The following KCNQ5 variants were observed in gnomAD, a reference collection of about 807,000 sequenced individuals.
KCNQ5 encodes the protein potassium voltage-gated channel subfamily Q member 5.
KCNQ5 carries 30 observed loss-of-function variants against 98.2 expected under a neutral mutation model. The observed-to-expected ratio is 0.31, with a 90% CI of 0.23 to 0.41. The LOEUF is 0.41. KCNQ5 is among the 10% of genes least tolerant of loss of function. The pLI, the probability that KCNQ5 is intolerant of heterozygous loss-of-function variation, is 1.00. For synonymous variants in KCNQ5, 458 were observed against 449.4 expected (o/e 1.02, Z -0.24); for missense variants, 835 against 1,182.5 (o/e 0.71, Z 4.31).
At chr6:72,717,965 G>C (rs900540411) in intron 1 of KCNQ5, among the ~76,000 whole-genome samples, 2 of 152,108 alleles carry the variant, frequency 1.3e-5, no homozygotes, top group African/African-American at 4.8e-5. Context: ...TCCACGGTAT[G>C]ACCTCACACA....
At chr6:73,127,377 T>G (rs1289389099) in intron 9 of KCNQ5, among the ~76,000 whole-genome samples, 1 of 152,086 alleles carries the variant, frequency 6.6e-6, no homozygotes, top group Admixed American at 6.5e-5. Context: ...GAGCCAACAT[T>G]TTCACCTTTT....
At chr6:73,036,230 C>CA (rs1305284743) in intron 2 of KCNQ5, among the ~76,000 whole-genome samples, 5 of 151,412 alleles carry the variant, frequency 3.3e-5, no homozygotes, top group Admixed American at 6.6e-5. Context: ...ACTAAAAATG[C>CA]AAAAAATTAG....
rs1031767968 is a variant in KCNQ5 at position 73,194,929 on chromosome 6, G to A, written c.2314G>A (p.Gly772Ser). The A allele has an allele frequency of 1.4e-5, 22 of 1,614,034 alleles. No homozygotes were observed. Among genetic ancestry groups the A allele is most frequent in the Non-Finnish European group, 1.8e-5 (21 of 1,180,040 alleles). ...AGAAACTCTGCACCCTAACCCTGCA[G>A]GCTTACAGGAAAGCATTTCTGACGT... ...RPETLHPNPA[G>S]LQESISDVTT... is the part of the protein sequence containing the mutation. The change falls in exon 14 of 14, where the codon GGC (glycine) becomes AGC (serine). Residue 772 changes from glycine to serine, a missense_variant. Gly to Ser is a moderately conservative substitution (Grantham distance 56). Coordinates refer to ENST00000370398, the MANE Select transcript of KCNQ5 (RefSeq NM_019842.4).
At chr6:73,115,657 C>G (rs1040656426) in intron 7 of KCNQ5, among the ~76,000 whole-genome samples, 2 of 152,128 alleles carry the variant, frequency 1.3e-5, no homozygotes, top group African/African-American at 2.4e-5. Flanking sequence ...CAACCTAGAA[C>G]TCTATATCCA....
intron 3 of KCNQ5, among the ~76,000 whole-genome samples, chr6:73,056,581 A>G (rs1176715057): frequency 6.6e-6 from 1 of 151,982 alleles, no homozygotes; most frequent in African/African-American, 2.4e-5. Context: ...TGTGTTTTAG[A>G]ATCCCTCCCT....
At chr6:72,717,456 T>C (rs562369902) in intron 1 of KCNQ5, among the ~76,000 whole-genome samples, 25 of 152,344 alleles carry the variant, frequency 1.6e-4, no homozygotes, top group African/African-American at 6.0e-4. Flanking sequence ...TTTTTAAATA[T>C]TTTGAAAAGA....
intron 1 of KCNQ5, among the ~76,000 whole-genome samples, chr6:72,769,357 T>C (rs530967591): frequency 1.3e-5 from 2 of 152,218 alleles, no homozygotes; most frequent in South Asian, 4.1e-4. Context: ...AGTATCAAAA[T>C]AAATCTAAGC....
chr6:72,653,006 A>G (rs547308809), intron 1 of KCNQ5, among the ~76,000 whole-genome samples: 1 of 152,242 alleles, frequency 6.6e-6, no homozygotes, highest in South Asian at 2.1e-4. Context: ...GGTACCATTT[A>G]TTCACAGACA....
chr6:73,017,886 G>C (rs1250200599), intron 2 of KCNQ5, among the ~76,000 whole-genome samples: 1 of 152,056 alleles, frequency 6.6e-6, no homozygotes, highest in Non-Finnish European at 1.5e-5. Context: ...GACCAAAACA[G>C]CTCTCAGGGG....
At chr6:72,944,577 T>C (rs1258846853) in intron 1 of KCNQ5, among the ~76,000 whole-genome samples, 3 of 152,184 alleles carry the variant, frequency 2.0e-5, no homozygotes, top group Non-Finnish European at 2.9e-5. Context: ...TCCTGGGAAA[T>C]AGTGCTATAA....
chr6:72,907,917 G>A (rs1779767395), intron 1 of KCNQ5, among the ~76,000 whole-genome samples: 4 of 151,972 alleles, frequency 2.6e-5, no homozygotes. Context: ...AAACTTAGTG[G>A]TGCCTTTTTC....
At chr6:72,786,983 C>T (rs1022141152) in intron 1 of KCNQ5, among the ~76,000 whole-genome samples, 27 of 127,658 alleles carry the variant, frequency 2.1e-4, no homozygotes, top group Non-Finnish European at 3.1e-4. Context: ...CCAGCCTGGG[C>T]GACACAGCAA....
intron 1 of KCNQ5, among the ~76,000 whole-genome samples, chr6:72,811,493 T>C (rs1275332984): frequency 6.6e-6 from 1 of 152,214 alleles, no homozygotes; most frequent in Non-Finnish European, 1.5e-5. Flanking sequence ...ATAAATGATA[T>C]ACGCAAGCAT....
chr6:72,905,410 T>C (rs1779660759), intron 1 of KCNQ5, among the ~76,000 whole-genome samples: 1 of 152,182 alleles, frequency 6.6e-6, no homozygotes, highest in African/African-American at 2.4e-5. Flanking sequence ...GGTCCGTTGC[T>C]GGTGAGCTAG....
chr6:72,696,883 C>A (rs1768534562), intron 1 of KCNQ5, among the ~76,000 whole-genome samples: 1 of 152,064 alleles, frequency 6.6e-6, no homozygotes, highest in African/African-American at 2.4e-5. Context: ...AATTTTAGCA[C>A]TAAATAATGG....
At chr6:72,861,584 T>C (rs1185856592) in intron 1 of KCNQ5, among the ~76,000 whole-genome samples, 2 of 152,206 alleles carry the variant, frequency 1.3e-5, no homozygotes, top group Non-Finnish European at 2.9e-5. Context: ...AGTGTGTGTC[T>C]GGATATCTTC....
intron 1 of KCNQ5, among the ~76,000 whole-genome samples, chr6:72,852,213 G>A (rs983673666): frequency 6.6e-6 from 1 of 152,040 alleles, no homozygotes; most frequent in Non-Finnish European, 1.5e-5. Flanking sequence ...CCCCAGTGAT[G>A]TGCTGGAAGT....
chr6:72,665,995 A>G (rs937496656), intron 1 of KCNQ5, among the ~76,000 whole-genome samples: 5 of 152,176 alleles, frequency 3.3e-5, no homozygotes, highest in African/African-American at 1.2e-4. Flanking sequence ...ATGACCTCAT[A>G]TTTGTTTCCG....
chr6:73,059,162 C>A (rs952713055), intron 3 of KCNQ5, among the ~76,000 whole-genome samples: 1 of 152,148 alleles, frequency 6.6e-6, no homozygotes, highest in African/African-American at 2.4e-5. Flanking sequence ...TGAAATCAAC[C>A]TACATGCCCA....
Sources: gnomAD v4.1 joint callset for allele counts (sites outside exome capture counted in the v4.1 genomes callset) on GRCh38, gnomAD v4.1.1 for gene constraint, MANE v1.5 for transcripts, NCBI Gene and HGNC (gene_info 2026-07-23, HGNC 2026-07-21) for gene names.